Variants in ZNF678 observed in about 807,000 individuals in gnomAD.
ZNF678 encodes hypothetical protein MGC42493.
In ZNF678, 5 loss-of-function variants were observed where a neutral mutation model predicts 3.0. The ratio of observed to expected loss-of-function variants is 1.69; its 90% CI spans 0.88 to 3.56. ZNF678 has a LOEUF of 3.56. Ranked by LOEUF, ZNF678 falls within the 30% of genes most tolerant of loss-of-function variation. The pLI, the probability that ZNF678 is intolerant of heterozygous loss-of-function variation, is 0.00. For synonymous variants in ZNF678, 218 were observed against 199.6 expected, an observed-to-expected ratio of 1.09 and a Z score of -0.78; for missense variants, 593 against 605.0, an observed-to-expected ratio of 0.98 and a Z score of 0.21.
At chr1:227,673,300 G>C (rs1358475595) in intron 5 of ZNF678, among the ~76,000 whole-genome samples, 4 of 152,154 alleles carry the variant, frequency 2.6e-5, no homozygotes, top group African/African-American at 9.7e-5. Flanking sequence ...TACACTGGAG[G>C]GCTCAAGACT....
chr1:227,567,205 A>G (rs1259387508), intron 1 of ZNF678, among the ~76,000 whole-genome samples: 1 of 152,228 alleles, frequency 6.6e-6, no homozygotes, highest in Non-Finnish European at 1.5e-5. Context: ...CGTTTTTGTT[A>G]TCTGAAAGGA....
chr1:227,593,849 A>C (rs1363852495), intron 1 of ZNF678, among the ~76,000 whole-genome samples: 1 of 132,936 alleles, frequency 7.5e-6, no homozygotes, highest in Admixed American at 8.1e-5. Flanking sequence ...TGGTGTTATG[A>C]GTCCATCCCC....
In ZNF678 at chr1:227,654,776, A is replaced by G; in HGVS notation, c.526A>G (p.Thr176Ala). 6.2e-7 allele frequency: 1 copy of G among 1,613,394 alleles called. No homozygotes were observed. The highest frequency in any genetic ancestry group is 8.5e-7 in the Non-Finnish European group (1 of 1,179,588). ...ACTAACTAACCATAAGAAAATTCAT[A>G]CTGGAGAGAAACCCTACAAATGTGA... Reference protein sequence around the residue: ...SQLTNHKKIHTGEKPYKCDEC... With the variant: ...SQLTNHKKIHAGEKPYKCDEC... Residue 176 changes from threonine (T) to alanine (A), a missense_variant, in exon 4 of 4, where the codon ACT (threonine) becomes GCT (alanine). Physicochemically the swap from Thr to Ala is moderately conservative, Grantham distance 58. Coordinates refer to ENST00000343776, the MANE Select transcript of ZNF678 (RefSeq NM_001367909.1).
At chr1:227,610,457 A>C (rs1361078018) in intron 1 of ZNF678, among the ~76,000 whole-genome samples, 2 of 152,172 alleles carry the variant, frequency 1.3e-5, no homozygotes, top group Non-Finnish European at 2.9e-5. Flanking sequence ...TTATGGCCTA[A>C]TTTCACACTG....
At chr1:227,581,263 A>G (rs1264172170) in intron 1 of ZNF678, among the ~76,000 whole-genome samples, 2 of 151,944 alleles carry the variant, frequency 1.3e-5, no homozygotes, top group African/African-American at 4.8e-5. Flanking sequence ...ATAAGTATAT[A>G]GCTTGATAAA....
In ZNF678 at chr1:227,642,829, G is replaced by A. The variant is rs570091629; in HGVS notation, c.-163-3715G>A. Among the ~76,000 whole-genome samples, 6 of 152,200 alleles carry A rather than the reference G, an allele frequency of 3.9e-5. 1 individual carries two copies. In the South Asian group the frequency reaches 1.2e-3, roughly 32 times the overall value. On this transcript the variant is annotated intron_variant, in intron 1 of 3. Coordinates refer to ENST00000343776, the MANE Select transcript of ZNF678 (RefSeq NM_001367909.1). ...CCTCACAGAATGAATCTTCTTGGTT[G>A]GTACCTAGATGGGAGTTTCTTCAGT...
intron 1 of ZNF678, among the ~76,000 whole-genome samples, chr1:227,640,277 A>G (rs976726224): frequency 1.3e-5 from 2 of 152,054 alleles, no homozygotes; most frequent in African/African-American, 4.8e-5. Context: ...GTGTAGGAAA[A>G]GAAGTGGATA....
chr1:227,582,952 T>G (rs1045336529), intron 1 of ZNF678, among the ~76,000 whole-genome samples: 3 of 152,232 alleles, frequency 2.0e-5, no homozygotes, highest in Non-Finnish European at 4.4e-5. Context: ...TGGCAATTTC[T>G]GATAGGTAAA....
At chr1:227,636,917 G>A (rs567979820) in intron 1 of ZNF678, among the ~76,000 whole-genome samples, 17 of 152,294 alleles carry the variant, frequency 1.1e-4, no homozygotes, top group African/African-American at 3.1e-4. Context: ...TATGTGGAAC[G>A]CATAACGAGA....
intron 1 of ZNF678, among the ~76,000 whole-genome samples, chr1:227,608,081 T>A (rs1269412326): frequency 6.6e-6 from 1 of 151,970 alleles, no homozygotes; most frequent in East Asian, 1.9e-4. Flanking sequence ...ACTTTAAAGT[T>A]TAAGGCTCCA....
downstream of ZNF678, among the ~76,000 whole-genome samples, chr1:227,678,204 C>G (rs1193223265): frequency 6.6e-6 from 1 of 152,130 alleles, no homozygotes; most frequent in African/African-American, 2.4e-5. Flanking sequence ...TCGAATTGGT[C>G]AAATTTTTGG....
At chr1:227,573,496 A>G (rs182317833) in intron 1 of ZNF678, among the ~76,000 whole-genome samples, 1 of 152,352 alleles carries the variant, frequency 6.6e-6, no homozygotes, top group Non-Finnish European at 1.5e-5. Context: ...TAAAAAATTA[A>G]ACAGTTTCTC....
At chr1:227,650,727 G>T (rs1346405661) in intron 2 of ZNF678, among the ~76,000 whole-genome samples, 1 of 151,922 alleles carries the variant, frequency 6.6e-6, no homozygotes, top group Non-Finnish European at 1.5e-5. Flanking sequence ...TTATTTAGAT[G>T]TTACCGTAAA....
At chr1:227,642,616 A>C (rs921653901) in intron 1 of ZNF678, among the ~76,000 whole-genome samples, 1 of 152,044 alleles carries the variant, frequency 6.6e-6, no homozygotes, top group African/African-American at 2.4e-5. Flanking sequence ...CTGGCCTCAT[A>C]GGAATACCTT....
intron 1 of ZNF678, among the ~76,000 whole-genome samples, chr1:227,635,515 T>TGTGTGTGTG (rs1658652959): frequency 1.6e-5 from 2 of 127,936 alleles, no homozygotes; most frequent in Admixed American, 7.9e-5. Context: ...GGGTGAACAT[T>TGTGTGTGTG]TGTGTGTGTG....
At chr1:227,599,938 T>G (rs1192464467) in intron 1 of ZNF678, among the ~76,000 whole-genome samples, 3 of 152,192 alleles carry the variant, frequency 2.0e-5, no homozygotes, top group Non-Finnish European at 1.5e-5. Flanking sequence ...TAGTACGCAT[T>G]AGTTATTTTT....
chr1:227,676,487 A>C (rs1659681433), intron 5 of ZNF678, among the ~76,000 whole-genome samples: 1 of 152,042 alleles, frequency 6.6e-6, no homozygotes, highest in East Asian at 1.9e-4. Flanking sequence ...GTAAATCCCC[A>C]AAACATTTTT....
Position 227,597,787 on chromosome 1 carries a change from A to G in ZNF678, c.-164+34063A>G, listed in dbSNP as rs1172619764. On this transcript the variant is annotated intron_variant, in intron 1 of 3. Coordinates refer to ENST00000343776, the MANE Select transcript of ZNF678 (RefSeq NM_001367909.1). ...TTAAAGGATGACACTAAGCTCAGTA[A>G]AGGATGACACTAAGCTCAGTAAAGG... Among the ~76,000 whole-genome samples, 7 of 152,342 alleles carry G rather than the reference A, an allele frequency of 4.6e-5. No individual in the cohort carries two copies. In the South Asian group the frequency reaches 1.5e-3, roughly 32 times the overall value.
At chr1:227,646,929 GC>G (rs1289034869) in intron 2 of ZNF678, among the ~76,000 whole-genome samples, 1 of 152,114 alleles carries the variant, frequency 6.6e-6, no homozygotes, top group Non-Finnish European at 1.5e-5. Flanking sequence ...AGATATTGTT[GC>G]CCACACCTCA....
Sources: allele counts gnomAD v4.1 joint callset (sites outside exome capture counted in the v4.1 genomes callset), GRCh38; gene constraint gnomAD v4.1.1; transcripts MANE v1.5; gene names NCBI Gene and HGNC (gene_info 2026-07-23, HGNC 2026-07-21).